The following METTL14 variants were observed in gnomAD, a reference collection of about 807,000 sequenced individuals.
METTL14 encodes methyltransferase 14, N6-adenosine-methyltransferase non-catalytic subunit, also known as N(6)-adenosine-methyltransferase non-catalytic subunit METTL14.
METTL14 carries 32 observed loss-of-function variants against 62.4 expected under a neutral mutation model. That is an observed-to-expected ratio of 0.51 (90% CI 0.39 to 0.69). The LOEUF is 0.69. METTL14 is among the 30% of genes least tolerant of loss of function. METTL14 has a pLI of 0.00. For synonymous variants in METTL14, 150 were observed against 180.0 expected, an observed-to-expected ratio of 0.83 and a Z score of 1.34; for missense variants, 340 against 551.9, an observed-to-expected ratio of 0.62 and a Z score of 3.85.
intron 8 of METTL14, among the ~76,000 whole-genome samples, chr4:118,702,118 C>CT (rs70944803): frequency 0.01 from 1,299 of 128,614 alleles, 15 homozygotes; most frequent in East Asian, 0.03. Context: ...AGGTTTTTAT[C>CT]TTTTTTTTTT....
chr4:118,702,938 T>TTTATTATTA (rs70944804), intron 8 of METTL14, among the ~76,000 whole-genome samples: 2,695 of 135,116 alleles, frequency 0.02, 38 homozygotes, highest in East Asian at 0.044. Flanking sequence ...GTTGGAAGGT[T>TTTATTATTA]TTATTATTAT....
intron 10 of METTL14, among the ~76,000 whole-genome samples, chr4:118,706,920 T>A (rs1219141644): frequency 1.3e-5 from 2 of 152,226 alleles, no homozygotes; most frequent in African/African-American, 4.8e-5. Context: ...CATTTTTTAT[T>A]TGGCTGTTTG....
At chr4:118,687,560 A>G (rs1031708393) in intron 1 of METTL14, among the ~76,000 whole-genome samples, 81 of 152,216 alleles carry the variant, frequency 5.3e-4, no homozygotes, top group African/African-American at 1.9e-3. Context: ...TAAACCCATC[A>G]TAAGTGGAAA....
At chr4:118,697,920 G>A (rs925428016) in intron 7 of METTL14, among the ~76,000 whole-genome samples, 6 of 151,826 alleles carry the variant, frequency 4.0e-5, no homozygotes, top group Admixed American at 6.6e-5. Flanking sequence ...GTGGGACGGC[G>A]GTTACAAGCA....
chr4:118,706,211 C>T (rs941300172), intron 10 of METTL14, among the ~76,000 whole-genome samples: 1 of 152,196 alleles, frequency 6.6e-6, no homozygotes, highest in Non-Finnish European at 1.5e-5. Context: ...GGATCATACT[C>T]AATAGTTTCA....
At chr4:118,691,323 AATT>A (rs1265530766) in intron 3 of METTL14, among the ~76,000 whole-genome samples, 1 of 152,210 alleles carries the variant, frequency 6.6e-6, no homozygotes, top group Non-Finnish European at 1.5e-5. Flanking sequence ...TAGTTACAGT[AATT>A]ATTTATGATA....
chr4:118,710,468 A>G lies in METTL14; in HGVS notation c.*166A>G. On this transcript the variant is annotated 3_prime_UTR_variant, in exon 11 of 11. Coordinates refer to ENST00000388822, the MANE Select transcript of METTL14 (RefSeq NM_020961.4). ...AGCCTTGCTTGCAGTTGTCACACAC[A>G]CTGTCTGGTTTTTTTCAGGATAAAT... The G allele has an allele frequency of 1.5e-6, 1 of 663,500 alleles. No individual in the cohort carries two copies. The highest frequency in any genetic ancestry group is 2.1e-5 in the South Asian group (1 of 46,698). 41.1% of individuals were successfully genotyped at this position (663,500 alleles called of 1,614,324 possible). A position where few individuals can be genotyped will look rare whatever the true frequency, so the allele number is the denominator to read the frequency against.
At chr4:118,694,561 A>G (rs972312601) in intron 6 of METTL14, 35 bp downstream of exon 6, 23 of 1,489,404 alleles carry the variant, frequency 1.5e-5, no homozygotes, top group Non-Finnish European at 2.0e-5. Context: ...TTTATTCCCA[A>G]CTCAGGCTTA....
At position 118,713,337 on chromosome 4, in the gene METTL14, G is replaced by T. The variant is rs1724978743; in HGVS notation, c.*3035G>T. 6.6e-6 allele frequency: 1 copy of T among 152,174 alleles called. No individual in the cohort carries two copies. The highest frequency in any genetic ancestry group is 1.5e-5 in the Non-Finnish European group (1 of 68,034). The allele number at this position is 152,174 out of a possible 1,614,324, so 9.4% of individuals were successfully genotyped here. ...CAGGGTGTCACAGCTGCTACTAGGA[G>T]TTACTCCTTTTCATGTCTTTTAAAA... On this transcript the variant is annotated 3_prime_UTR_variant, in exon 11 of 11. Transcript: ENST00000388822.
rs1050486842 is a variant in METTL14 at position 118,714,958 on chromosome 4, A to G, written c.*4656A>G. 1 of 152,258 alleles carries G rather than the reference A, an allele frequency of 6.6e-6. No homozygotes were observed. Among genetic ancestry groups the G allele is most frequent in the African/African-American group, 2.4e-5 (1 of 41,474 alleles). The allele number at this position is 152,258 out of a possible 1,614,324, so 9.4% of individuals were successfully genotyped here. A position where few individuals can be genotyped will look rare whatever the true frequency, so the allele number is the denominator to read the frequency against. ...GACCACATTTACTTAAAAAAGAGGA[A>G]AAAAGGTTACTTGCTTGAGACAGGA... On this transcript the variant is annotated 3_prime_UTR_variant, in exon 11 of 11. Coordinates refer to ENST00000388822, the MANE Select transcript of METTL14 (RefSeq NM_020961.4).
Position 118,713,318 on chromosome 4 carries a change from G to A in METTL14, c.*3016G>A, listed in dbSNP as rs566705282. 1.3e-5 allele frequency: 2 copies of A among 152,298 alleles called. No individual in the cohort carries two copies. The highest frequency in any genetic ancestry group is 4.1e-4 in the South Asian group (2 of 4,828). 9.4% of individuals were successfully genotyped at this position (152,298 alleles called of 1,614,324 possible). The stretch of plus-strand genomic sequence containing the variant: ...TGGGAGCTATATTGTGCATCAGGGT[G>A]TCACAGCTGCTACTAGGAGTTACTC... On this transcript the variant is annotated 3_prime_UTR_variant, in exon 11 of 11. Coordinates refer to ENST00000388822, the MANE Select transcript of METTL14 (RefSeq NM_020961.4).
At chr4:118,685,858 C>G (rs1455633368) in intron 1 of METTL14, among the ~76,000 whole-genome samples, 5 of 152,084 alleles carry the variant, frequency 3.3e-5, no homozygotes, top group Non-Finnish European at 7.4e-5. Flanking sequence ...TTGTGGAACT[C>G]CCACCGAGTG....
In METTL14 at chr4:118,710,339, CCTT is replaced by C. The variant is rs754582203; in HGVS notation, c.*41_*43del. ...ATTGAACCTATTCATCCTCCTCTAACCTTCTTTATTGTAATTAAATTTCAAGTG... is the reference window on the plus strand; with the variant it reads ...ATTGAACCTATTCATCCTCCTCTAACCTTTATTGTAATTAAATTTCAAGTG... On this transcript the variant is annotated 3_prime_UTR_variant, in exon 11 of 11. Transcript: ENST00000388822. 114 of 1,543,888 alleles carry C rather than the reference CCTT, an allele frequency of 7.4e-5. No homozygotes were observed. The highest frequency in any genetic ancestry group is 9.6e-5 in the Non-Finnish European group (110 of 1,146,260).
In METTL14 at chr4:118,705,829, C is replaced by T. The variant is rs755375254; in HGVS notation, c.1066+8C>T. 9.4e-6 allele frequency: 15 copies of T among 1,598,982 alleles called. No individual in the cohort carries two copies. In the Admixed American group the frequency reaches 2.5e-4, roughly 27 times the overall value. ...ATAGTACAATTCGACCAGGTAGGACCTCAGTTAACAACAACTTTTATGATT... is the reference window on the plus strand; with the variant it reads ...ATAGTACAATTCGACCAGGTAGGACTTCAGTTAACAACAACTTTTATGATT... On this transcript the variant is annotated splice_region_variant and intron_variant, in intron 10 of 10. Coordinates refer to ENST00000388822, the MANE Select transcript of METTL14 (RefSeq NM_020961.4).
intron 7 of METTL14, among the ~76,000 whole-genome samples, chr4:118,698,174 G>A (rs994069404): frequency 2.0e-5 from 3 of 152,084 alleles, no homozygotes; most frequent in Non-Finnish European, 4.4e-5. Flanking sequence ...TGGAAAAATG[G>A]CCAGGTGTGG....
rs1455195685 is a variant in METTL14 at position 118,712,542 on chromosome 4, C to A, written c.*2240C>A. 1 of 151,990 alleles carries A rather than the reference C, an allele frequency of 6.6e-6. No homozygotes were observed. The highest frequency in any genetic ancestry group is 1.5e-5 in the Non-Finnish European group (1 of 68,086). 9.4% of individuals were successfully genotyped at this position (151,990 alleles called of 1,614,324 possible). On this transcript the variant is annotated 3_prime_UTR_variant, in exon 11 of 11. Transcript: ENST00000388822. ...GGCTGTGGCAGGAGAATTGCCTGAA[C>A]CCAGGAGGCGGAGGTTGCAGTGAGC...
At chr4:118,693,154 A>G (rs1447550749) in intron 5 of METTL14, among the ~76,000 whole-genome samples, 4 of 152,012 alleles carry the variant, frequency 2.6e-5, no homozygotes, top group South Asian at 2.1e-4. Context: ...GGCACTTACT[A>G]TTATCTGTTT....
intron 8 of METTL14, among the ~76,000 whole-genome samples, chr4:118,702,729 T>G (rs1462665745): frequency 6.6e-6 from 1 of 151,412 alleles, no homozygotes; most frequent in Non-Finnish European, 1.5e-5. Context: ...TGAGCCAAGA[T>G]TACCACACTG....
chr4:118,707,208 G>T (rs2110410516), intron 10 of METTL14, among the ~76,000 whole-genome samples: 1 of 152,182 alleles, frequency 6.6e-6, no homozygotes, highest in Admixed American at 6.5e-5. Flanking sequence ...CAAAAAGAAA[G>T]AAAGAAATTG....
Sources: allele counts gnomAD v4.1 joint callset (sites outside exome capture counted in the v4.1 genomes callset), GRCh38; gene constraint gnomAD v4.1.1; transcripts MANE v1.5; gene names NCBI Gene and HGNC (gene_info 2026-07-23, HGNC 2026-07-21).